Variants in COL21A1 observed in about 807,000 individuals in gnomAD.
The protein encoded by COL21A1 is collagen type XXI alpha 1 chain.
A neutral mutation model predicts 137.9 loss-of-function variants in COL21A1; 149 were observed. The ratio of observed to expected loss-of-function variants is 1.08; its 90% CI spans 0.95 to 1.24. The LOEUF (loss-of-function observed/expected upper bound fraction) is 1.24. COL21A1 is among the 50% of genes most tolerant of loss of function. The probability of loss-of-function intolerance (pLI) is 0.00; values close to 1 mark genes in which losing one functional copy is unlikely to be tolerated. For missense variants in COL21A1, 1,167 were observed against 1,158.4 expected (o/e 1.01, Z -0.11); for synonymous variants, 456 against 391.5 (o/e 1.16, Z -1.95).
At chr6:56,311,284 T>C (rs1370716654) in intron 1 of COL21A1, among the ~76,000 whole-genome samples, 1 of 152,208 alleles carries the variant, frequency 6.6e-6, no homozygotes, top group Admixed American at 6.5e-5. Context: ...CATCAGAGCA[T>C]TTGTTTGAAA....
intron 10 of COL21A1, among the ~76,000 whole-genome samples, 154 bp from the exon 11 acceptor site, chr6:56,142,137 A>G (rs1326157159): frequency 6.6e-6 from 1 of 152,174 alleles, no homozygotes; most frequent in African/African-American, 2.4e-5. Flanking sequence ...ATGCTTAATA[A>G]GGAATTCATA....
At chr6:56,179,205 A>C (rs1777712118) in intron 3 of COL21A1, among the ~76,000 whole-genome samples, 1 of 152,058 alleles carries the variant, frequency 6.6e-6, no homozygotes, top group African/African-American at 2.4e-5. Context: ...TGTAAAGTAC[A>C]GAAAAACTCA....
At chr6:56,322,156 A>T (rs1182339483) in intron 1 of COL21A1, among the ~76,000 whole-genome samples, 2 of 152,150 alleles carry the variant, frequency 1.3e-5, no homozygotes, top group Non-Finnish European at 2.9e-5. Flanking sequence ...TTCTGAATCC[A>T]GGCGAAACCA....
chr6:56,067,587 A>G (rs1766378896), intron 22 of COL21A1, among the ~76,000 whole-genome samples: 1 of 151,738 alleles, frequency 6.6e-6, no homozygotes, highest in African/African-American at 2.4e-5. Context: ...AATTTCCCAG[A>G]AAGGAGAAAA....
intron 12 of COL21A1, among the ~76,000 whole-genome samples, chr6:56,136,630 T>A (rs1774024432): frequency 6.6e-6 from 1 of 152,110 alleles, no homozygotes; most frequent in Admixed American, 6.6e-5. Flanking sequence ...TCAAGATTAT[T>A]TTTGGGGCTA....
chr6:56,366,751 C>T (rs536760784), intron 1 of COL21A1, among the ~76,000 whole-genome samples: 1 of 152,302 alleles, frequency 6.6e-6, no homozygotes, highest in South Asian at 2.1e-4. Flanking sequence ...ATGAGTGTTT[C>T]CACACTTCCA....
At chr6:56,160,946 C>G (rs953168590) in intron 9 of COL21A1, among the ~76,000 whole-genome samples, 1 of 152,184 alleles carries the variant, frequency 6.6e-6, no homozygotes, top group Non-Finnish European at 1.5e-5. Context: ...TCCACAAGAG[C>G]ATCTGACCTA....
At chr6:56,189,080 T>C (rs2397206) in intron 1 of COL21A1, among the ~76,000 whole-genome samples, 113,620 of 151,966 alleles carry the variant, frequency 0.75, 43,042 homozygotes, top group African/African-American at 0.86. Flanking sequence ...ATCACAACTC[T>C]TCTCCAGCAA....
At chr6:56,273,730 A>C (rs1291771219) in intron 1 of COL21A1, among the ~76,000 whole-genome samples, 1 of 152,164 alleles carries the variant, frequency 6.6e-6, no homozygotes, top group Admixed American at 6.5e-5. Flanking sequence ...AATTAGTAAT[A>C]ATAAACCAAA....
At chr6:56,270,739 A>G (rs890379512) in intron 1 of COL21A1, among the ~76,000 whole-genome samples, 1 of 152,178 alleles carries the variant, frequency 6.6e-6, no homozygotes, top group African/African-American at 2.4e-5. Flanking sequence ...TGCTGTTCTC[A>G]TGATAGTGAA....
chr6:56,143,854 A>T (rs1774628030), intron 10 of COL21A1, among the ~76,000 whole-genome samples: 1 of 152,198 alleles, frequency 6.6e-6, no homozygotes, highest in South Asian at 2.1e-4. Flanking sequence ...TTGATAGAAC[A>T]TTGGAATAAT....
chr6:56,217,336 G>C (rs1780549250), intron 1 of COL21A1, among the ~76,000 whole-genome samples: 1 of 151,998 alleles, frequency 6.6e-6, no homozygotes, highest in African/African-American at 2.4e-5. Flanking sequence ...CTTTATCTCA[G>C]ATAACTACCT....
At chr6:56,205,418 G>A (rs956577507) in intron 1 of COL21A1, among the ~76,000 whole-genome samples, 5 of 152,104 alleles carry the variant, frequency 3.3e-5, no homozygotes, top group Non-Finnish European at 4.4e-5. Context: ...AATAAAGCGA[G>A]AAGACAAGAT....
rs776375865 is a variant in COL21A1, at chr6:56,126,084, G to T, written c.1596+12C>A. ...GGCTTTGCTATATTTAAAAGAAACAGATTTCTTCAACCTTTGATCCTGGCA... is the reference window on the plus strand; with the variant it reads ...GGCTTTGCTATATTTAAAAGAAACATATTTCTTCAACCTTTGATCCTGGCA... On this transcript the variant is annotated intron_variant, in intron 13 of 29. Transcript: ENST00000244728. The T allele has an allele frequency of 4.8e-5, 73 of 1,522,568 alleles. No homozygotes were observed. Among genetic ancestry groups the T allele is most frequent in the Non-Finnish European group, 6.1e-5 (69 of 1,127,392 alleles). The allele number at this position is 1,522,568 out of a possible 1,614,324, so 94.3% of individuals were successfully genotyped here. A position where few individuals can be genotyped will look rare whatever the true frequency, so the allele number is the denominator to read the frequency against.
At chr6:56,274,789 T>C (rs937508190) in intron 1 of COL21A1, among the ~76,000 whole-genome samples, 30 of 151,940 alleles carry the variant, frequency 2.0e-4, no homozygotes, top group African/African-American at 6.5e-4. Context: ...AAAATGGCCA[T>C]ACTGTCCAAA....
At chr6:56,232,790 A>G (rs1171037566) in intron 1 of COL21A1, among the ~76,000 whole-genome samples, 1 of 151,882 alleles carries the variant, frequency 6.6e-6, no homozygotes, top group East Asian at 1.9e-4. Flanking sequence ...CTTGGTCCAA[A>G]ATGTTCACTA....
At chr6:56,137,322 C>T (rs1774076199) in intron 12 of COL21A1, among the ~76,000 whole-genome samples, 1 of 152,088 alleles carries the variant, frequency 6.6e-6, no homozygotes, top group Admixed American at 6.6e-5. Context: ...GTACACACCA[C>T]AGTAAAAACC....
chr6:56,225,212 T>A lies in COL21A1; in HGVS notation c.-39+22175A>T, dbSNP rs1781112543. On this transcript the variant is annotated intron_variant, in intron 1 of 29. Coordinates refer to ENST00000244728, the MANE Select transcript of COL21A1 (RefSeq NM_030820.4). ...GACATTATGCAAGTTACAATAAGATTTCTACTAAAGCAAACAACTGCCCCT... is the reference window on the plus strand; with the variant it reads ...GACATTATGCAAGTTACAATAAGATATCTACTAAAGCAAACAACTGCCCCT... 5.3e-5 allele frequency among the ~76,000 whole-genome samples: 8 copies of A among 152,164 alleles called. No individual in the cohort carries two copies. In the South Asian group the frequency reaches 1.2e-3, roughly 24 times the overall value.
chr6:56,111,514 G>T (rs1444267170), intron 16 of COL21A1, among the ~76,000 whole-genome samples: 1 of 152,038 alleles, frequency 6.6e-6, no homozygotes, highest in Non-Finnish European at 1.5e-5. Context: ...TGGATAAAGG[G>T]TATGAGGAAT....
Sources: allele counts gnomAD v4.1 joint callset (sites outside exome capture counted in the v4.1 genomes callset), GRCh38; gene constraint gnomAD v4.1.1; transcripts MANE v1.5; gene names NCBI Gene and HGNC (gene_info 2026-07-23, HGNC 2026-07-21).